DLC1: variants seen among roughly 807,000 people sequenced by gnomAD.
DLC1 encodes DLC1 Rho GTPase activating protein, also known as rho GTPase-activating protein 7.
DLC1 carries 54 observed loss-of-function variants against 140.3 expected under a neutral mutation model. That is an observed-to-expected ratio of 0.38 (90% CI 0.31 to 0.48). The LOEUF is 0.48. Ranked by LOEUF, DLC1 falls within the 20% of genes least tolerant of loss-of-function variation. DLC1 has a pLI of 0.96. For synonymous variants in DLC1, 986 were observed against 728.1 expected (o/e 1.35, Z -5.70); for missense variants, 2,536 against 1,907.0 (o/e 1.33, Z -6.14).
intron 5 of DLC1, among the ~76,000 whole-genome samples, chr8:13,226,379 A>T (rs1357810216): frequency 2.6e-5 from 4 of 152,230 alleles, no homozygotes; most frequent in African/African-American, 9.6e-5. Flanking sequence ...ATGATGAATG[A>T]CACAAATAAC....
At chr8:13,096,449 G>A (rs1237698579) in intron 10 of DLC1, among the ~76,000 whole-genome samples, 15 of 152,118 alleles carry the variant, frequency 9.9e-5, no homozygotes, top group East Asian at 1.9e-4. Flanking sequence ...AAGGTAAAAC[G>A]AAAGAGCAAA....
At chr8:13,087,738 G>T (rs973222039) in intron 16 of DLC1, among the ~76,000 whole-genome samples, 2 of 152,192 alleles carry the variant, frequency 1.3e-5, no homozygotes, top group African/African-American at 4.8e-5. Context: ...AAAAGGTCTG[G>T]ACTTCCAATG....
intron 5 of DLC1, among the ~76,000 whole-genome samples, chr8:13,299,483 T>C (rs1464110011): frequency 6.8e-6 from 1 of 148,148 alleles, no homozygotes; most frequent in Non-Finnish European, 1.5e-5. Context: ...CTCATCTTTT[T>C]TTTTTTTTTT....
At chr8:13,314,785 G>A (rs750097040) in intron 4 of DLC1, among the ~76,000 whole-genome samples, 17 of 152,226 alleles carry the variant, frequency 1.1e-4, no homozygotes, top group Non-Finnish European at 2.2e-4. Flanking sequence ...ATGACAAACC[G>A]TAATCTTGTT....
intron 4 of DLC1, among the ~76,000 whole-genome samples, chr8:13,391,936 A>C (rs939855850): frequency 3.3e-5 from 5 of 152,154 alleles, no homozygotes; most frequent in African/African-American, 1.2e-4. Flanking sequence ...AATGATTTTC[A>C]AAACCTTCAA....
chr8:13,342,835 C>CTT (rs780143137), intron 4 of DLC1: 63 of 29,598 alleles, frequency 2.1e-3, no homozygotes, highest in Admixed American at 2.6e-3. Context: ...ATCAGTTGTG[C>CTT]TTCTCTCTCT....
chr8:13,444,589 C>A (rs1164245878), intron 2 of DLC1, among the ~76,000 whole-genome samples: 2 of 152,076 alleles, frequency 1.3e-5, no homozygotes, highest in African/African-American at 2.4e-5. Context: ...TTTAAAAAAT[C>A]TTTAATTATA....
At chr8:13,148,003 C>T (rs1476446979) in intron 5 of DLC1, among the ~76,000 whole-genome samples, 3 of 152,010 alleles carry the variant, frequency 2.0e-5, no homozygotes, top group African/African-American at 7.2e-5. Flanking sequence ...AGAAGAAAAG[C>T]ATTTATTACT....
intron 5 of DLC1, among the ~76,000 whole-genome samples, chr8:13,176,001 T>C (rs1825741312): frequency 6.6e-6 from 1 of 152,234 alleles, no homozygotes; most frequent in Non-Finnish European, 1.5e-5. Context: ...AAATGGAGAA[T>C]AATTTATCTA....
chr8:13,181,042 A>C (rs1826000777), intron 5 of DLC1, among the ~76,000 whole-genome samples: 1 of 152,068 alleles, frequency 6.6e-6, no homozygotes, highest in African/African-American at 2.4e-5. Flanking sequence ...CTTAATTCAA[A>C]TATATATGTA....
intron 1 of DLC1, among the ~76,000 whole-genome samples, chr8:13,523,709 T>C (rs1249710578): frequency 5.9e-5 from 9 of 152,014 alleles, no homozygotes; most frequent in Non-Finnish European, 1.2e-4. Context: ...ATGGAAAAAA[T>C]TAGCATGGTT....
intron 7 of DLC1, among the ~76,000 whole-genome samples, chr8:13,109,029 T>C (rs1228579686): frequency 6.6e-6 from 1 of 152,214 alleles, no homozygotes; most frequent in Non-Finnish European, 1.5e-5. Context: ...AGCGTTTCTG[T>C]GGTTAAGAGG....
chr8:13,299,287 A>T (rs1304549674), intron 5 of DLC1, among the ~76,000 whole-genome samples: 1 of 151,532 alleles, frequency 6.6e-6, no homozygotes, highest in Non-Finnish European at 1.5e-5. Flanking sequence ...TACTAAAAAT[A>T]TAAAAAAAAA....
At chr8:13,261,680 G>C (rs573623193) in intron 5 of DLC1, among the ~76,000 whole-genome samples, 2 of 152,190 alleles carry the variant, frequency 1.3e-5, no homozygotes, top group East Asian at 3.9e-4. Flanking sequence ...TGCATTTGCA[G>C]GTACAGATGA....
chr8:13,347,696 A>C (rs1009837572), intron 4 of DLC1, among the ~76,000 whole-genome samples: 2 of 152,218 alleles, frequency 1.3e-5, no homozygotes, highest in African/African-American at 2.4e-5. Flanking sequence ...AAAGATGGAC[A>C]GGTCACAGTC....
intron 1 of DLC1, among the ~76,000 whole-genome samples, chr8:13,523,318 GAA>G (rs1483714248): frequency 2.0e-5 from 3 of 152,042 alleles, no homozygotes; most frequent in African/African-American, 7.2e-5. Context: ...AAGAAGAAAA[GAA>G]GAGTCAAAAA....
At chr8:13,424,439 A>C (rs1838460963) in intron 2 of DLC1, among the ~76,000 whole-genome samples, 2 of 152,138 alleles carry the variant, frequency 1.3e-5, no homozygotes, top group Admixed American at 1.3e-4. Context: ...CAGTGAGCAG[A>C]GATCACGCCA....
chr8:13,444,640 C>G (rs1798695787), intron 2 of DLC1, among the ~76,000 whole-genome samples: 2 of 152,234 alleles, frequency 1.3e-5, no homozygotes, highest in Admixed American at 6.5e-5. Flanking sequence ...ATATAGGCTA[C>G]AGTACTACTC....
chr8:13,558,291 A>G (rs1488286849), intron 1 of DLC1: 2 of 152,174 alleles, frequency 1.3e-5, no homozygotes, highest in Non-Finnish European at 2.9e-5. Context: ...AATGGTGGCT[A>G]CTGATACCAA....
Sources: allele counts gnomAD v4.1 joint callset (sites outside exome capture counted in the v4.1 genomes callset), GRCh38; gene constraint gnomAD v4.1.1; transcripts MANE v1.5; gene names NCBI Gene and HGNC (gene_info 2026-07-23, HGNC 2026-07-21).